DNAH5: variants seen among roughly 807,000 people sequenced by gnomAD.
DNAH5 encodes the protein dynein axonemal heavy chain 5.
Under a neutral mutation model 518.2 loss-of-function variants are expected in DNAH5, and 372 were observed. The observed-to-expected ratio is 0.72, with a 90% CI of 0.66 to 0.78. DNAH5 has a LOEUF of 0.78. Among genes scored for constraint, DNAH5 ranks in the 30% least tolerant of loss-of-function variants. The pLI, the probability that DNAH5 is intolerant of heterozygous loss-of-function variation, is 0.00. For missense variants in DNAH5, 5,523 were observed against 5,687.0 expected, an observed-to-expected ratio of 0.97 and a Z score of 0.93; for synonymous variants, 2,039 against 2,025.9, an observed-to-expected ratio of 1.01 and a Z score of -0.17.
intron 38 of DNAH5, among the ~76,000 whole-genome samples, chr5:13,826,495 TAGTA>T (rs1364786032): frequency 6.6e-6 from 1 of 152,152 alleles, no homozygotes; most frequent in African/African-American, 2.4e-5. Context: ...GTTCTCATAA[TAGTA>T]AGTGAGTTCT....
chr5:14,006,018 C>A (rs904993331), intron 1 of DNAH5, among the ~76,000 whole-genome samples: 1 of 150,290 alleles, frequency 6.7e-6, no homozygotes. Flanking sequence ...TCCAAACCCA[C>A]CCCCCTTGCA....
intron 1 of DNAH5, among the ~76,000 whole-genome samples, chr5:13,981,990 CTA>C (rs1354611894): frequency 3.3e-5 from 5 of 152,172 alleles, no homozygotes; most frequent in Admixed American, 3.3e-4. Flanking sequence ...AACCAATAGG[CTA>C]TAGACAAATC....
rs1336551414 is a variant in DNAH5, at chr5:13,865,708, T to C, written c.4315A>G (p.Ile1439Val). ...YYDILWSEVN[I>V]EKINNELLEF... Reference sequence around the variant, plus strand: ...AAGAGTTCATTGTTAATTTTTTCAATATTCACCTCTGACCAAAGAATATCA... The same window carrying C: ...AAGAGTTCATTGTTAATTTTTTCAACATTCACCTCTGACCAAAGAATATCA... The change falls in exon 27 of 79, where the codon ATT becomes GTT. Residue 1439 changes from isoleucine to valine, a missense_variant. By Grantham distance (29) the Ile-to-Val change is conservative. This residue lies in a region of DNAH5 where 5,121 missense variants were observed against 5,223.3 expected (regional missense o/e 0.98). Coordinates refer to ENST00000265104, the MANE Select transcript of DNAH5 (RefSeq NM_001369.3). 6.9e-6 allele frequency: 11 copies of C among 1,602,128 alleles called. No individual in the cohort carries two copies. Among genetic ancestry groups the C allele is most frequent in the Middle Eastern group, 1.7e-4 (1 of 6,022 alleles).
chr5:13,807,477 T>C (rs1395897627), intron 47 of DNAH5, 114 bp downstream of exon 47: 1 of 1,025,136 alleles, frequency 9.8e-7, no homozygotes, highest in Non-Finnish European at 1.5e-6. Flanking sequence ...GTGGGTGATT[T>C]ATCATGGCTA....
At chr5:13,951,515 T>A (rs1780409935) in intron 1 of DNAH5, among the ~76,000 whole-genome samples, 1 of 152,166 alleles carries the variant, frequency 6.6e-6, no homozygotes, top group Admixed American at 6.5e-5. Flanking sequence ...CCACCATGCC[T>A]GGCCCATATT....
At chr5:13,988,789 C>A (rs577857670) in intron 1 of DNAH5, among the ~76,000 whole-genome samples, 1 of 125,360 alleles carries the variant, frequency 8.0e-6, no homozygotes, top group Non-Finnish European at 1.7e-5. Context: ...TGGTGTGGTG[C>A]GATCTCACCT....
intron 50 of DNAH5, among the ~76,000 whole-genome samples, chr5:13,789,498 A>G (rs1298025340): frequency 1.3e-5 from 2 of 152,240 alleles, no homozygotes; most frequent in Non-Finnish European, 2.9e-5. Context: ...AAGCAAGAAT[A>G]ACAAATGTAT....
At chr5:13,867,091 A>T (rs893248421) in intron 25 of DNAH5, among the ~76,000 whole-genome samples, 1 of 152,216 alleles carries the variant, frequency 6.6e-6, no homozygotes, top group Non-Finnish European at 1.5e-5. Context: ...ACTGCATGCG[A>T]ATAGTACTTT....
rs777579934 is a variant in DNAH5 at position 13,840,952 on chromosome 5, G to A, written c.5663C>T (p.Thr1888Ile). Residue 1888 changes from threonine to isoleucine, a missense_variant, in exon 34 of 79, where the codon ACT (threonine) becomes ATT (isoleucine). This residue lies in a region of DNAH5 where 5,121 missense variants were observed against 5,223.3 expected (regional missense o/e 0.98). Transcript: ENST00000265104. ...TTGGTGCACATGAATAGTAATCAGA[G>A]TCTCGTATTTCACTCGTTCCGTGGA... is the stretch of plus-strand genomic sequence containing the variant. ...LSSTERVKYE[T>I]LITIHVHQRD... 1.5e-5 allele frequency: 25 copies of A among 1,614,006 alleles called. No individual in the cohort carries two copies. The highest frequency in any genetic ancestry group is 1.9e-5 in the Non-Finnish European group (23 of 1,179,986).
chr5:14,000,947 G>T (rs973644751), intron 1 of DNAH5, among the ~76,000 whole-genome samples: 1 of 152,154 alleles, frequency 6.6e-6, no homozygotes, highest in African/African-American at 2.4e-5. Flanking sequence ...TACACTCCAT[G>T]GAATACTACA....
intron 5 of DNAH5, among the ~76,000 whole-genome samples, chr5:13,921,551 A>G (rs999298402): frequency 2.1e-5 from 3 of 145,360 alleles, no homozygotes; most frequent in Non-Finnish European, 4.5e-5. Flanking sequence ...GCCCCAAGTA[A>G]TCACAAACAC....
intron 15 of DNAH5, chr5:13,898,228 T>G (rs1774155057): frequency 4.6e-6 from 1 of 217,054 alleles, no homozygotes; most frequent in South Asian, 1.8e-4. Flanking sequence ...CATGATATAA[T>G]GATACGGTTA....
At position 13,931,139 on chromosome 5, in the gene DNAH5, C is replaced by T. The variant is rs1778371267; in HGVS notation, c.163G>A (p.Val55Met). Residue 55 changes from valine (V) to methionine (M), a missense_variant, in exon 2 of 79, where the codon GTG (valine) becomes ATG (methionine). Around this residue, in one of 3 missense-constraint regions of DNAH5, gnomAD observed 5,121 missense variants for 5,223.3 expected, o/e 0.98. Coordinates refer to ENST00000265104, the MANE Select transcript of DNAH5 (RefSeq NM_001369.3). ...TTCCCTTCAAGAATGGCATCCTCCA[C>T]TTCGGTTTTGTTCAGGTCCAAACAG... ...ASCLDLNKTEVEDAILEGNQI... is the reference protein window; with the variant it reads ...ASCLDLNKTEMEDAILEGNQI... 1.2e-6 allele frequency: 2 copies of T among 1,614,046 alleles called. No individual in the cohort carries two copies. The highest frequency in any genetic ancestry group is 1.7e-6 in the Non-Finnish European group (2 of 1,179,994).
chr5:13,810,317 C>A, intron 44 of DNAH5, 57 bp from the exon 45 acceptor site: 1 of 1,471,590 alleles, frequency 6.8e-7, no homozygotes, highest in South Asian at 1.2e-5. Flanking sequence ...AAACGTTGCT[C>A]TAGGGTTTCA....
Position 13,769,618 on chromosome 5 carries a change from G to C in DNAH5, c.9606-3C>G. ...GCTTTTCCAATCCAGTATTCATTCT[G>C]GGATTGAAAATCCAAGCAAGCAATG... is the stretch of plus-strand genomic sequence containing the variant. On this transcript the variant is annotated splice_polypyrimidine_tract_variant and splice_region_variant and intron_variant, in intron 56 of 78. Coordinates refer to ENST00000265104, the MANE Select transcript of DNAH5 (RefSeq NM_001369.3). 6.2e-7 allele frequency: 1 copy of C among 1,611,612 alleles called. No individual in the cohort carries two copies. The highest frequency in any genetic ancestry group is 1.1e-5 in the South Asian group (1 of 91,004).
At chr5:13,790,883 A>T (rs919927010) in intron 50 of DNAH5, among the ~76,000 whole-genome samples, 3 of 152,196 alleles carry the variant, frequency 2.0e-5, no homozygotes, top group African/African-American at 7.2e-5. Context: ...ACTCATGAAC[A>T]CAAAGACAGA....
Position 13,807,646 on chromosome 5 carries a change from CATTCAGG to C in DNAH5, c.7825_7831del (p.Pro2609ValfsTer3). The C allele has an allele frequency of 6.2e-7, 1 of 1,611,908 alleles. No individual in the cohort carries two copies. The highest frequency in any genetic ancestry group is 1.3e-5 in the African/African-American group (1 of 74,934). Reference sequence around the variant, plus strand: ...AAAATTCAGACTCTTGATCATGTGACATTCAGGATCATATTTTGACATAAATCCTTTA... The same window carrying C: ...AAAATTCAGACTCTTGATCATGTGACATCATATTTTGACATAAATCCTTTA... On this transcript the variant is annotated frameshift_variant, in exon 47 of 79. Coordinates refer to ENST00000265104, the MANE Select transcript of DNAH5 (RefSeq NM_001369.3). LOFTEE classifies it high-confidence loss of function.
chr5:13,801,923 T>C (rs951783987), intron 47 of DNAH5, among the ~76,000 whole-genome samples: 2 of 152,152 alleles, frequency 1.3e-5, no homozygotes, highest in African/African-American at 4.8e-5. Context: ...ATGGGATCCT[T>C]ATTTATATAT....
rs750884425 is a variant in DNAH5 at position 13,870,898 on chromosome 5, G to C, written c.3703C>G (p.Leu1235Val). ...AGTTTCTTATTGAATTCTTCAATAA[G>C]CATAAAAATGTTTTCCATCTCACTC... ...YRSEMENIFM[L>V]IEEFNKKLNR... is the part of the protein sequence containing the mutation. Residue 1235 changes from leucine (L) to valine (V), a missense_variant, in exon 24 of 79, where the codon CTT becomes GTT. Transcript: ENST00000265104. 2.0e-5 allele frequency: 33 copies of C among 1,613,644 alleles called. No individual in the cohort carries two copies. Among genetic ancestry groups the C allele is most frequent in the Non-Finnish European group, 2.7e-5 (32 of 1,179,828 alleles).
Sources: allele counts gnomAD v4.1 joint callset (sites outside exome capture counted in the v4.1 genomes callset), GRCh38; gene constraint gnomAD v4.1.1; regional missense constraint gnomAD v4.1.1; transcripts MANE v1.5; gene names NCBI Gene and HGNC (gene_info 2026-07-23, HGNC 2026-07-21).